Variants in GALNT13 observed in about 807,000 individuals in gnomAD.
The protein encoded by GALNT13 is polypeptide N-acetylgalactosaminyltransferase 13.
In GALNT13, 28 loss-of-function variants were observed where a neutral mutation model predicts 64.2. The observed-to-expected ratio is 0.44, with a 90% CI of 0.32 to 0.60. The LOEUF (loss-of-function observed/expected upper bound fraction) is 0.60. GALNT13 is among the 20% of genes least tolerant of loss of function. GALNT13 has a pLI of 0.05. For missense variants in GALNT13, 577 were observed against 669.8 expected, an observed-to-expected ratio of 0.86 and a Z score of 1.53; for synonymous variants, 214 against 224.6, an observed-to-expected ratio of 0.95 and a Z score of 0.42.
intron 3 of GALNT13, among the ~76,000 whole-genome samples, chr2:153,949,072 G>T (rs1283870102): frequency 6.6e-6 from 1 of 152,016 alleles, no homozygotes; most frequent in Non-Finnish European, 1.5e-5. Flanking sequence ...ATACAATTGT[G>T]TTATAATTTC....
chr2:153,095,019 A>G, the GALNT13 span, among the ~76,000 whole-genome samples: 2 of 152,170 alleles, frequency 1.3e-5, no homozygotes, highest in South Asian at 4.1e-4. Flanking sequence ...AATGGCAACA[A>G]AAGCCAAAAT....
At chr2:153,843,200 C>T in the GALNT13 span, among the ~76,000 whole-genome samples, 1 of 152,178 alleles carries the variant, frequency 6.6e-6, no homozygotes, top group Non-Finnish European at 1.5e-5. Context: ...AGTCTGCAGG[C>T]TTTACAGGAA....
intron 9 of GALNT13, among the ~76,000 whole-genome samples, chr2:154,332,476 G>A (rs1371409595): frequency 1.3e-5 from 2 of 151,956 alleles, no homozygotes; most frequent in African/African-American, 2.4e-5. Flanking sequence ...GACATGATGG[G>A]TGGTCTATAA....
At chr2:153,514,957 T>C in the GALNT13 span, among the ~76,000 whole-genome samples, 1 of 152,108 alleles carries the variant, frequency 6.6e-6, no homozygotes, top group African/African-American at 2.4e-5. Flanking sequence ...CCTCTGTCCT[T>C]CTCCAGGAAA....
chr2:153,263,435 GA>G, the GALNT13 span, among the ~76,000 whole-genome samples: 4 of 151,866 alleles, frequency 2.6e-5, no homozygotes, highest in Non-Finnish European at 5.9e-5. Flanking sequence ...CACAGAATTA[GA>G]AAAAAATCTA....
At chr2:153,369,569 C>G in the GALNT13 span, among the ~76,000 whole-genome samples, 1 of 152,260 alleles carries the variant, frequency 6.6e-6, no homozygotes, top group African/African-American at 2.4e-5. Context: ...GATATCCATG[C>G]CTGTACGTAA....
At chr2:153,256,483 C>T in the GALNT13 span, among the ~76,000 whole-genome samples, 2 of 152,296 alleles carry the variant, frequency 1.3e-5, no homozygotes, top group South Asian at 2.1e-4. Flanking sequence ...CGTCATTCTC[C>T]GTCCAGCTTT....
At chr2:154,087,810 G>A (rs1164700161) in intron 3 of GALNT13, among the ~76,000 whole-genome samples, 1 of 151,538 alleles carries the variant, frequency 6.6e-6, no homozygotes. Context: ...CTATTTTCTT[G>A]GAATATAAGT....
At chr2:153,110,577 C>A in the GALNT13 span, among the ~76,000 whole-genome samples, 3 of 152,062 alleles carry the variant, frequency 2.0e-5, no homozygotes, top group African/African-American at 7.2e-5. Context: ...TCCTAACTCT[C>A]CCTTTGCCTT....
At chr2:153,313,388 T>A in the GALNT13 span, among the ~76,000 whole-genome samples, 1 of 152,144 alleles carries the variant, frequency 6.6e-6, no homozygotes, top group Admixed American at 6.5e-5. Context: ...TGAGATCATG[T>A]CCTTTGCAGG....
the GALNT13 span, among the ~76,000 whole-genome samples, chr2:153,211,995 G>A: frequency 8.5e-5 from 13 of 152,122 alleles, no homozygotes; most frequent in African/African-American, 3.1e-4. Context: ...TCTGCATAAA[G>A]TGATGCTTAG....
At chr2:153,319,451 T>C in the GALNT13 span, among the ~76,000 whole-genome samples, 1 of 152,118 alleles carries the variant, frequency 6.6e-6, no homozygotes, top group African/African-American at 2.4e-5. Flanking sequence ...CTATTTATTT[T>C]TTATTTTTTG....
the GALNT13 span, among the ~76,000 whole-genome samples, chr2:153,116,794 CTTTTTTTTT>C: frequency 4.9e-5 from 4 of 82,466 alleles, no homozygotes; most frequent in Admixed American, 3.9e-4. Flanking sequence ...GTGTTGTCTT[CTTTTTTTTT>C]TTTTTTTTTT....
chr2:153,095,050 A>C, the GALNT13 span, among the ~76,000 whole-genome samples: 1 of 152,142 alleles, frequency 6.6e-6, no homozygotes, highest in Non-Finnish European at 1.5e-5. Context: ...GATCTAATTA[A>C]ACTAAAGAGC....
intron 3 of GALNT13, among the ~76,000 whole-genome samples, chr2:153,978,699 A>G (rs75360562): frequency 0.052 from 7,900 of 152,028 alleles, 268 homozygotes; most frequent in Middle Eastern, 0.096. Context: ...GTCCAATTAA[A>G]CCTCTTTTTC....
chr2:154,296,653 A>G (rs1692941181), intron 8 of GALNT13, among the ~76,000 whole-genome samples: 1 of 152,226 alleles, frequency 6.6e-6, no homozygotes, highest in South Asian at 2.1e-4. Flanking sequence ...AGAGAGAGAG[A>G]GGAATACAAA....
chr2:153,952,859 A>C (rs1692294184), intron 3 of GALNT13, among the ~76,000 whole-genome samples: 1 of 152,184 alleles, frequency 6.6e-6, no homozygotes, highest in Non-Finnish European at 1.5e-5. Context: ...TAAGTCCAAA[A>C]GTCCAAAAGC....
intron 3 of GALNT13, among the ~76,000 whole-genome samples, chr2:153,972,239 A>C (rs1182835597): frequency 2.0e-5 from 3 of 152,060 alleles, no homozygotes; most frequent in African/African-American, 7.2e-5. Context: ...AGCCCTAGGA[A>C]ACAAATATAG....
the GALNT13 span, among the ~76,000 whole-genome samples, chr2:153,724,619 AAC>A: frequency 8.3e-6 from 1 of 120,400 alleles, no homozygotes; most frequent in Admixed American, 8.3e-5. Context: ...GAAAAAAACA[AAC>A]AACCCCATCA....
Sources: gnomAD v4.1 joint callset for allele counts (sites outside exome capture counted in the v4.1 genomes callset) on GRCh38, gnomAD v4.1.1 for gene constraint, MANE v1.5 for transcripts, NCBI Gene and HGNC (gene_info 2026-07-23, HGNC 2026-07-21) for gene names.